CLEC17A: variants seen among roughly 807,000 people sequenced by gnomAD.
CLEC17A encodes C-type lectin domain family 17, member A.
CLEC17A carries 37 observed loss-of-function variants against 61.3 expected under a neutral mutation model. That is an observed-to-expected ratio of 0.60 (90% CI 0.46 to 0.79). CLEC17A has a LOEUF of 0.79. CLEC17A is among the 30% of genes least tolerant of loss of function. The pLI, the probability that CLEC17A is intolerant of heterozygous loss-of-function variation, is 0.00. For synonymous variants in CLEC17A, 168 were observed against 164.9 expected, an observed-to-expected ratio of 1.02 and a Z score of -0.14; for missense variants, 418 against 464.7, an observed-to-expected ratio of 0.90 and a Z score of 0.92.
intron 4 of CLEC17A, among the ~76,000 whole-genome samples, chr19:14,594,156 G>A (rs1300229168): frequency 2.0e-5 from 3 of 151,608 alleles, no homozygotes; most frequent in Non-Finnish European, 4.4e-5. Flanking sequence ...GGTAGCATAC[G>A]CCTGTAATCC....
At position 14,607,438 on chromosome 19, in the gene CLEC17A, C is replaced by T. The variant is rs370991048; in HGVS notation, c.1004+336C>T. 1.4e-3 allele frequency among the ~76,000 whole-genome samples: 210 copies of T among 151,814 alleles called. 2 individuals are homozygous for T. The highest frequency in any genetic ancestry group is 4.6e-3 in the African/African-American group (190 of 41,498). ...CAGGATGGTCTTGATCTCCTGACCT[C>T]GTGATCTGCCCGCCTTGGCCTCCCA... On this transcript the variant is annotated intron_variant, in intron 13 of 13. Coordinates refer to ENST00000417570, the MANE Select transcript of CLEC17A (RefSeq NM_001204118.2).
intron 4 of CLEC17A, among the ~76,000 whole-genome samples, chr19:14,592,811 C>A (rs1193910791): frequency 2.0e-4 from 30 of 152,050 alleles, no homozygotes. Context: ...ATTGCAGGCG[C>A]CTGCTACCAT....
intron 2 of CLEC17A, among the ~76,000 whole-genome samples, chr19:14,583,642 G>C (rs1461272048): frequency 1.3e-5 from 2 of 152,084 alleles, no homozygotes; most frequent in Non-Finnish European, 2.9e-5. Flanking sequence ...GGGTGAGAGA[G>C]GAGGGGTCAG....
intron 12 of CLEC17A, among the ~76,000 whole-genome samples, chr19:14,601,235 A>G (rs2074708988): frequency 6.6e-6 from 1 of 152,152 alleles, no homozygotes; most frequent in South Asian, 2.1e-4. Context: ...GGTAACAGAC[A>G]GTCTCCATAG....
At chr19:14,595,811 G>A (rs538197319) in intron 8 of CLEC17A, among the ~76,000 whole-genome samples, 7 of 151,694 alleles carry the variant, frequency 4.6e-5, no homozygotes, top group African/African-American at 7.3e-5. Context: ...AATGCAGGGC[G>A]GAGGTAGTGA....
intron 4 of CLEC17A, 83 bp from the exon 5 acceptor site, chr19:14,594,434 C>A: frequency 6.6e-7 from 1 of 1,513,750 alleles, no homozygotes; most frequent in Non-Finnish European, 9.0e-7. Context: ...TCCTCCACTG[C>A]AATCCTAACC....
upstream of CLEC17A, among the ~76,000 whole-genome samples, chr19:14,581,434 C>A (rs764647455): frequency 6.6e-6 from 1 of 152,116 alleles, no homozygotes; most frequent in African/African-American, 2.4e-5. Context: ...AGCGATTCTT[C>A]TGCCGCAGCC....
chr19:14,582,679 C>G (rs1011962710), upstream of CLEC17A, among the ~76,000 whole-genome samples: 2 of 152,118 alleles, frequency 1.3e-5, no homozygotes, highest in African/African-American at 4.8e-5. Context: ...GTGATCTCGG[C>G]TAACTGCAAC....
chr19:14,595,270 C>G lies in CLEC17A; in HGVS notation c.404-4C>G. ...GAATAAACCTCTCTCCCCCTTTCTCCCAGCTGTGAATCTTGAGCCTTCTCC... is the reference window on the plus strand; with the variant it reads ...GAATAAACCTCTCTCCCCCTTTCTCGCAGCTGTGAATCTTGAGCCTTCTCC... On this transcript the variant is annotated splice_region_variant and splice_polypyrimidine_tract_variant and intron_variant, in intron 7 of 13. Coordinates refer to ENST00000417570, the MANE Select transcript of CLEC17A (RefSeq NM_001204118.2). 1 of 1,613,944 alleles carries G rather than the reference C, an allele frequency of 6.2e-7. No homozygotes were observed. Among genetic ancestry groups the G allele is most frequent in the Non-Finnish European group, 8.5e-7 (1 of 1,179,836 alleles).
At position 14,610,326 on chromosome 19, in the gene CLEC17A, T is replaced by C. The variant is rs1346106134; in HGVS notation, c.*130T>C. ...TGTGCCTCAAACAGGATTGGCACCC[T>C]GGATGCAGCAAGTTCCCAGGGGTGC... On this transcript the variant is annotated 3_prime_UTR_variant, in exon 14 of 14. Transcript: ENST00000417570. 1.5e-6 allele frequency: 2 copies of C among 1,316,212 alleles called. No individual in the cohort carries two copies. Among genetic ancestry groups the C allele is most frequent in the Non-Finnish European group, 2.1e-6 (2 of 972,548 alleles). The allele number at this position is 1,316,212 out of a possible 1,614,324, so 81.5% of individuals were successfully genotyped here.
intron 12 of CLEC17A, 75 bp downstream of exon 12, chr19:14,600,257 C>G: frequency 6.5e-7 from 1 of 1,531,164 alleles, no homozygotes; most frequent in South Asian, 1.2e-5. Context: ...CACATCCCTC[C>G]CTTCCCTGGA....
chr19:14,594,882 TA>T, intron 7 of CLEC17A, 82 bp downstream of exon 7: 1 of 1,361,702 alleles, frequency 7.3e-7, no homozygotes, highest in Non-Finnish European at 1.0e-6. Context: ...TTTATTTATT[TA>T]TTTTTTTTGA....
rs763077270 is a variant in CLEC17A at position 14,594,583 on chromosome 19, G to A, written c.310+34G>A. Reference sequence around the variant, plus strand: ...GGGCTGGGGGTGTAGGAGACCCAGAGCTGGCTTTGCCCTGCTCTGGCCCTG... The same window carrying A: ...GGGCTGGGGGTGTAGGAGACCCAGAACTGGCTTTGCCCTGCTCTGGCCCTG... On this transcript the variant is annotated intron_variant, in intron 5 of 13. Transcript: ENST00000417570. 2.0e-5 allele frequency: 32 copies of A among 1,613,196 alleles called. No individual in the cohort carries two copies. In the African/African-American group the frequency reaches 4.0e-4, roughly 20 times the overall value.
rs368850457 is a variant in CLEC17A at position 14,588,317 on chromosome 19, A to G, written c.199+626A>G. On this transcript the variant is annotated intron_variant, in intron 3 of 13. Transcript: ENST00000417570. The stretch of plus-strand genomic sequence containing the variant: ...AGCCGGGGCAACATAGCAAGACCCC[A>G]TCTCTGCCAAAAAAAAAAAAAAAAC... The G allele has an allele frequency of 2.2e-5, 3 of 137,874 alleles. No homozygotes were observed. In the East Asian group the frequency reaches 6.0e-4, roughly 28 times the overall value. 8.5% of individuals were successfully genotyped at this position (137,874 alleles called of 1,614,324 possible).
At position 14,595,329 on chromosome 19, in the gene CLEC17A, CAT is replaced by C. The variant is rs758507031; in HGVS notation, c.445+15_445+16del. ...CATCCCTGGCCGGTAAGTGTCCTCC[CAT>C]TTCCCCTCTGACAGTGGCTAGTGTA... On this transcript the variant is annotated intron_variant, in intron 8 of 13. Coordinates refer to ENST00000417570, the MANE Select transcript of CLEC17A (RefSeq NM_001204118.2). 1.9e-6 allele frequency: 3 copies of C among 1,613,744 alleles called. No individual in the cohort carries two copies. The highest frequency in any genetic ancestry group is 2.5e-6 in the Non-Finnish European group (3 of 1,179,682).
chr19:14,602,467 C>A (rs900252211), intron 12 of CLEC17A, among the ~76,000 whole-genome samples: 1 of 151,956 alleles, frequency 6.6e-6, no homozygotes, highest in African/African-American at 2.4e-5. Flanking sequence ...TAATTTTTAA[C>A]ATTTTTTGTA....
intron 3 of CLEC17A, among the ~76,000 whole-genome samples, chr19:14,591,898 ATGTGTGTGTG>A (rs747656450): frequency 0.039 from 5,448 of 139,004 alleles, 145 homozygotes; most frequent in Non-Finnish European, 0.056. Flanking sequence ...CCGGAGAAAA[ATGTGTGTGTG>A]TGTGTGTGTG....
At chr19:14,604,469 G>T (rs2074803621) in intron 12 of CLEC17A, among the ~76,000 whole-genome samples, 1 of 151,946 alleles carries the variant, frequency 6.6e-6, no homozygotes, top group South Asian at 2.1e-4. Flanking sequence ...ATCACCTTAA[G>T]AATGTTTAAA....
At chr19:14,592,869 T>C (rs1479878677) in intron 4 of CLEC17A, among the ~76,000 whole-genome samples, 24 of 152,128 alleles carry the variant, frequency 1.6e-4, no homozygotes, top group Admixed American at 1.6e-3. Flanking sequence ...TTTCACCATA[T>C]TGGCCAGGAT....
Sources: allele counts gnomAD v4.1 joint callset (sites outside exome capture counted in the v4.1 genomes callset), GRCh38; gene constraint gnomAD v4.1.1; transcripts MANE v1.5; gene names NCBI Gene and HGNC (gene_info 2026-07-23, HGNC 2026-07-21).